KLRD1: variants seen among roughly 807,000 people sequenced by gnomAD.
KLRD1 encodes killer cell lectin like receptor D1.
A neutral mutation model predicts 22.6 loss-of-function variants in KLRD1; 21 were observed. The observed-to-expected ratio is 0.93, with a 90% CI of 0.66 to 1.34. KLRD1 has a LOEUF of 1.34. Ranked by LOEUF, KLRD1 falls within the 40% of genes most tolerant of loss-of-function variation. KLRD1 has a pLI of 0.00. For synonymous variants in KLRD1, 59 were observed against 71.1 expected (o/e 0.83, Z 0.85); for missense variants, 183 against 208.6 (o/e 0.88, Z 0.76).
intron 5 of KLRD1, 98 bp from the exon 6 acceptor site, chr12:10,314,575 A>C: frequency 8.9e-7 from 1 of 1,120,860 alleles, no homozygotes; most frequent in Non-Finnish European, 1.2e-6. Context: ...TTAGTATCTC[A>C]CTCAAATGCT....
At chr12:10,255,093 A>C (rs1949382843) in intron 1 of KLRD1, among the ~76,000 whole-genome samples, 2 of 132,364 alleles carry the variant, frequency 1.5e-5, no homozygotes. Flanking sequence ...TCAAAAAATA[A>C]TAGATGCTGG....
chr12:10,241,487 C>T (rs1415170240), intron 1 of KLRD1, among the ~76,000 whole-genome samples: 2 of 152,232 alleles, frequency 1.3e-5, no homozygotes, highest in East Asian at 1.9e-4. Flanking sequence ...ATTTGCTTTA[C>T]GTAATCTTTC....
At chr12:10,285,602 T>C (rs147434503) in intron 1 of KLRD1, among the ~76,000 whole-genome samples, 3 of 152,108 alleles carry the variant, frequency 2.0e-5, no homozygotes, top group Non-Finnish European at 4.4e-5. Context: ...CTTAAAGTTG[T>C]TTTTTTTGTG....
At chr12:10,252,817 A>G (rs1338009000) in intron 1 of KLRD1, among the ~76,000 whole-genome samples, 1 of 152,096 alleles carries the variant, frequency 6.6e-6, no homozygotes, top group Admixed American at 6.5e-5. Context: ...GAGTAAAACT[A>G]TCGCAGCTGT....
At chr12:10,295,527 AC>A (rs1949813962) in intron 1 of KLRD1, among the ~76,000 whole-genome samples, 1 of 152,168 alleles carries the variant, frequency 6.6e-6, no homozygotes, top group Non-Finnish European at 1.5e-5. Flanking sequence ...AAATAAAAAA[AC>A]AAAATTATGC....
Position 10,314,978 on chromosome 12 carries a change from A to G in KLRD1, c.*185A>G, listed in dbSNP as rs1275788017. 11 of 453,734 alleles carry G rather than the reference A, an allele frequency of 2.4e-5. No homozygotes were observed. In the East Asian group the frequency reaches 2.5e-4, roughly 10 times the overall value. 28.1% of individuals were successfully genotyped at this position (453,734 alleles called of 1,614,324 possible). On this transcript the variant is annotated 3_prime_UTR_variant, in exon 6 of 6. Coordinates refer to ENST00000336164, the MANE Select transcript of KLRD1 (RefSeq NM_002262.5). Reference sequence around the variant, plus strand: ...TAAAATTGATGAAATTCGTTCACCTACATTTGAGAATTATAAAATTAACAT... The same window carrying G: ...TAAAATTGATGAAATTCGTTCACCTGCATTTGAGAATTATAAAATTAACAT...
intron 4 of KLRD1, among the ~76,000 whole-genome samples, chr12:10,312,966 G>A (rs1950129537): frequency 6.6e-6 from 1 of 151,324 alleles, no homozygotes; most frequent in East Asian, 2.0e-4. Context: ...CAGCCTGGGC[G>A]ACAGAGCAAG....
At position 10,323,510 on chromosome 12, in the gene KLRD1, G is replaced by T. The variant is rs79933478; in HGVS notation, c.*8717G>T. 1 of 151,068 alleles carries T rather than the reference G, an allele frequency of 6.6e-6. No homozygotes were observed. The allele number at this position is 151,068 out of a possible 1,614,324, so 9.4% of individuals were successfully genotyped here. On this transcript the variant is annotated 3_prime_UTR_variant, in exon 6 of 6. Transcript: ENST00000336164. Reference sequence around the variant, plus strand: ...TTAGCCATTATTTATTTTTAACAGCGCTGTTGCAGTATAATTGAGATACTT... The same window carrying T: ...TTAGCCATTATTTATTTTTAACAGCTCTGTTGCAGTATAATTGAGATACTT...
At chr12:10,272,148 A>G (rs1314362229) in intron 1 of KLRD1, among the ~76,000 whole-genome samples, 1 of 152,160 alleles carries the variant, frequency 6.6e-6, no homozygotes, top group Non-Finnish European at 1.5e-5. Context: ...GCCTCCTCTT[A>G]TAGTTGAATT....
intron 1 of KLRD1, among the ~76,000 whole-genome samples, chr12:10,239,438 C>T (rs201140012): frequency 0.049 from 1,197 of 24,334 alleles, 121 homozygotes; most frequent in East Asian, 0.32. Flanking sequence ...CCTTCCTTTC[C>T]TTCCTTCCTT....
chr12:10,288,828 C>T (rs1949737082), intron 1 of KLRD1, among the ~76,000 whole-genome samples: 5 of 152,030 alleles, frequency 3.3e-5, no homozygotes, highest in African/African-American at 1.2e-4. Flanking sequence ...TTACTTCAGG[C>T]TACTGGAACT....
intron 1 of KLRD1, among the ~76,000 whole-genome samples, chr12:10,264,313 T>C (rs1281601674): frequency 2.6e-5 from 4 of 152,140 alleles, no homozygotes; most frequent in Admixed American, 2.6e-4. Flanking sequence ...CAAAGTTTGA[T>C]AATAGTAAAA....
intron 3 of KLRD1, among the ~76,000 whole-genome samples, chr12:10,309,991 TC>T (rs1950022016): frequency 6.6e-6 from 1 of 152,218 alleles, no homozygotes; most frequent in Non-Finnish European, 1.5e-5. Context: ...TTACAGTTAA[TC>T]CTCATTACCT....
At chr12:10,308,314 A>T in intron 1 of KLRD1, 1 of 518,808 alleles carries the variant, frequency 1.9e-6, no homozygotes, top group South Asian at 2.6e-5. Flanking sequence ...GTGGTTTCTG[A>T]CAGGGCTACC....
Position 10,286,088 on chromosome 12 carries a change from CACCAAG to C in KLRD1, c.-100-21885_-100-21880del, listed in dbSNP as rs1949699800. ...CTTTATCCCCAACATCCTGCGGCCA[CACCAAG>C]ACCAGTGTAGGTGTTAACTGTTATT... On this transcript the variant is annotated intron_variant, in intron 1 of 5. Transcript: ENST00000544747. Among the ~76,000 whole-genome samples the C allele has an allele frequency of 5.9e-5, 9 of 152,336 alleles. No individual in the cohort carries two copies. The South Asian group carries it at 1.9e-3, about 32-fold the overall frequency.
At chr12:10,273,281 G>A (rs570803255) in intron 1 of KLRD1, among the ~76,000 whole-genome samples, 118 of 152,170 alleles carry the variant, frequency 7.8e-4, no homozygotes, top group African/African-American at 2.7e-3. Flanking sequence ...AAAAGTAAAA[G>A]TATTACATAG....
intron 1 of KLRD1, among the ~76,000 whole-genome samples, chr12:10,250,395 C>T (rs1949335450): frequency 6.6e-6 from 1 of 152,074 alleles, no homozygotes; most frequent in African/African-American, 2.4e-5. Context: ...GGTTCTGTAG[C>T]TAGACAAAGA....
chr12:10,309,596 A>C, intron 2 of KLRD1, 30 bp from the exon 3 acceptor site: 4 of 1,541,800 alleles, frequency 2.6e-6, no homozygotes, highest in Non-Finnish European at 3.6e-6. Context: ...CCCATACCTA[A>C]TTAAACAAAT....
chr12:10,288,629 G>A (rs549486180), intron 1 of KLRD1, among the ~76,000 whole-genome samples: 1 of 152,198 alleles, frequency 6.6e-6, no homozygotes, highest in South Asian at 2.1e-4. Flanking sequence ...GGTTTATGAA[G>A]ATTAGATGAA....
Sources: allele counts gnomAD v4.1 joint callset (sites outside exome capture counted in the v4.1 genomes callset), GRCh38; gene constraint gnomAD v4.1.1; transcripts MANE v1.5; gene names NCBI Gene and HGNC (gene_info 2026-07-23, HGNC 2026-07-21).